Variants in GABRB1 observed in about 807,000 individuals in gnomAD.
GABRB1 encodes gamma-aminobutyric acid type A receptor subunit beta1, also known as gamma-aminobutyric acid receptor subunit beta-1.
A neutral mutation model predicts 51.6 loss-of-function variants in GABRB1; 17 were observed. The observed-to-expected ratio is 0.33, with a 90% CI of 0.23 to 0.49. The LOEUF (loss-of-function observed/expected upper bound fraction) is 0.49, where lower values mean the gene tolerates loss of function less well. Ranked by LOEUF, GABRB1 falls within the 20% of genes least tolerant of loss-of-function variation. GABRB1 has a pLI of 0.99. For synonymous variants in GABRB1, 247 were observed against 218.9 expected (o/e 1.13, Z -1.14); for missense variants, 410 against 600.6 (o/e 0.68, Z 3.32).
rs1577937418 is a variant in GABRB1 at position 47,132,431 on chromosome 4, G to C, written c.241-28818G>C. Among the ~76,000 whole-genome samples, 8 of 56,706 alleles carry C rather than the reference G, an allele frequency of 1.4e-4. No homozygotes were observed. The South Asian group carries it at 5.3e-3, about 37-fold the overall frequency. 37.2% of individuals were successfully genotyped at this position (56,706 alleles called of 152,430 possible). A position where few individuals can be genotyped will look rare whatever the true frequency, so the allele number is the denominator to read the frequency against. ...GGTTTGGTTTGGTTTGGTTTGGTTTGGTTTGGTTTGGTTTGGATTGCATCA... is the reference window on the plus strand; with the variant it reads ...GGTTTGGTTTGGTTTGGTTTGGTTTCGTTTGGTTTGGTTTGGATTGCATCA... On this transcript the variant is annotated intron_variant, in intron 3 of 8. Coordinates refer to ENST00000295454, the MANE Select transcript of GABRB1 (RefSeq NM_000812.4).
At chr4:47,229,705 C>G (rs1721069444) in intron 4 of GABRB1, among the ~76,000 whole-genome samples, 1 of 152,038 alleles carries the variant, frequency 6.6e-6, no homozygotes, top group Admixed American at 6.6e-5. Context: ...CCATATGTAT[C>G]TTTACAAGAA....
chr4:47,230,896 G>A (rs1721117966), intron 4 of GABRB1, among the ~76,000 whole-genome samples: 1 of 152,152 alleles, frequency 6.6e-6, no homozygotes. Context: ...TGCACACCCA[G>A]AGAAAGGTAG....
intron 5 of GABRB1, among the ~76,000 whole-genome samples, chr4:47,329,923 C>A (rs748049422): frequency 1.3e-5 from 2 of 151,994 alleles, no homozygotes; most frequent in African/African-American, 4.8e-5. Flanking sequence ...TGGAGGCTGA[C>A]GATCTCAAGA....
At chr4:47,193,737 A>C (rs1719537728) in intron 4 of GABRB1, among the ~76,000 whole-genome samples, 1 of 152,246 alleles carries the variant, frequency 6.6e-6, no homozygotes, top group Non-Finnish European at 1.5e-5. Flanking sequence ...CTTTGTGCAA[A>C]GAGGATGCTA....
intron 5 of GABRB1, among the ~76,000 whole-genome samples, chr4:47,346,026 T>C (rs1277263903): frequency 6.9e-6 from 1 of 145,910 alleles, no homozygotes; most frequent in African/African-American, 2.5e-5. Flanking sequence ...TTCTGTGGTA[T>C]AAAGATATTG....
chr4:47,052,600 G>T (rs966629769), intron 3 of GABRB1, among the ~76,000 whole-genome samples: 4 of 152,176 alleles, frequency 2.6e-5, no homozygotes, highest in African/African-American at 7.2e-5. Context: ...TTTAAAATAT[G>T]GTAGATGGTG....
chr4:47,031,588 A>C lies in GABRB1; in HGVS notation c.-64A>C. 2.9e-6 allele frequency: 4 copies of C among 1,380,984 alleles called. No homozygotes were observed. Among genetic ancestry groups the C allele is most frequent in the Non-Finnish European group, 4.1e-6 (4 of 967,920 alleles). 85.5% of individuals were successfully genotyped at this position (1,380,984 alleles called of 1,614,324 possible). ...GTCCATTCGGGAATTACTGCCCAGCAGCCGACTAAGTTGCATTCCTTGAAT... is the reference window on the plus strand; with the variant it reads ...GTCCATTCGGGAATTACTGCCCAGCCGCCGACTAAGTTGCATTCCTTGAAT... On this transcript the variant is annotated 5_prime_UTR_variant, in exon 1 of 9. Coordinates refer to ENST00000295454, the MANE Select transcript of GABRB1 (RefSeq NM_000812.4).
At chr4:47,148,846 C>T (rs1314386313) in intron 3 of GABRB1, among the ~76,000 whole-genome samples, 14 of 151,796 alleles carry the variant, frequency 9.2e-5, no homozygotes, top group Admixed American at 6.6e-5. Context: ...AATCTACCCA[C>T]GAACTGAATG....
intron 4 of GABRB1, among the ~76,000 whole-genome samples, chr4:47,186,523 G>C (rs555649877): frequency 6.6e-6 from 1 of 151,880 alleles, no homozygotes; most frequent in Non-Finnish European, 1.5e-5. Context: ...CTAGTAACAA[G>C]AGACATACAT....
At chr4:47,080,170 G>A (rs999373258) in intron 3 of GABRB1, among the ~76,000 whole-genome samples, 2 of 151,996 alleles carry the variant, frequency 1.3e-5, no homozygotes, top group African/African-American at 4.8e-5. Flanking sequence ...ATCAAGGCCA[G>A]GGCAGTGGAG....
At chr4:47,216,453 A>T (rs964595959) in intron 4 of GABRB1, among the ~76,000 whole-genome samples, 2 of 151,954 alleles carry the variant, frequency 1.3e-5, no homozygotes, top group African/African-American at 4.8e-5. Flanking sequence ...GATATTTCTG[A>T]GCTGCAAGGG....
intron 3 of GABRB1, among the ~76,000 whole-genome samples, chr4:47,051,729 A>T (rs547273835): frequency 6.6e-6 from 1 of 152,342 alleles, no homozygotes; most frequent in East Asian, 1.9e-4. Context: ...TTGGATATTC[A>T]CAAAAATCCC....
intron 5 of GABRB1, among the ~76,000 whole-genome samples, chr4:47,338,878 A>G (rs9996854): frequency 0.44 from 66,422 of 152,040 alleles, 14,975 homozygotes; most frequent in East Asian, 0.59. Context: ...TTTAAGGAAG[A>G]AAAATGGGAG....
chr4:47,114,234 A>G (rs1036610479), intron 3 of GABRB1, among the ~76,000 whole-genome samples: 1 of 152,232 alleles, frequency 6.6e-6, no homozygotes, highest in African/African-American at 2.4e-5. Flanking sequence ...TCTTGCTGCC[A>G]TCTACTTCCT....
At chr4:47,259,885 A>G (rs1243304542) in intron 4 of GABRB1, among the ~76,000 whole-genome samples, 1 of 152,130 alleles carries the variant, frequency 6.6e-6, no homozygotes, top group East Asian at 1.9e-4. Context: ...AATGGAAAAG[A>G]GCTTTCTGTC....
chr4:47,217,263 C>T (rs1182355024), intron 4 of GABRB1, among the ~76,000 whole-genome samples: 1 of 151,652 alleles, frequency 6.6e-6, no homozygotes, highest in Admixed American at 6.6e-5. Flanking sequence ...GTATTAAATA[C>T]CTAAGTAGAA....
chr4:47,269,860 T>C (rs1722788347), intron 4 of GABRB1, among the ~76,000 whole-genome samples: 1 of 151,676 alleles, frequency 6.6e-6, no homozygotes, highest in Admixed American at 6.6e-5. Flanking sequence ...TCTTAATTGT[T>C]ACATCAAACT....
intron 3 of GABRB1, among the ~76,000 whole-genome samples, chr4:47,071,019 G>A (rs573456409): frequency 3.3e-5 from 5 of 152,126 alleles, no homozygotes; most frequent in South Asian, 2.1e-4. Context: ...TAGACTTCTC[G>A]TCCTACAATT....
chr4:47,246,327 C>CAT (rs1721743398), intron 4 of GABRB1, among the ~76,000 whole-genome samples: 1 of 58,580 alleles, frequency 1.7e-5, no homozygotes, highest in Non-Finnish European at 3.4e-5. Flanking sequence ...CACACACACA[C>CAT]ACATATGTAC....
Sources: gnomAD v4.1 joint callset for allele counts (sites outside exome capture counted in the v4.1 genomes callset) on GRCh38, gnomAD v4.1.1 for gene constraint, MANE v1.5 for transcripts, NCBI Gene and HGNC (gene_info 2026-07-23, HGNC 2026-07-21) for gene names.